Variants in NBPF6 observed in about 807,000 individuals in gnomAD.
NBPF6 encodes the protein NBPF family member NBPF6.
Under a neutral mutation model 20.8 loss-of-function variants are expected in NBPF6, and 2 were observed. The observed-to-expected ratio is 0.10, with a 90% CI of 0.04 to 0.30. The LOEUF is 0.30. Among genes scored for constraint, NBPF6 ranks in the 10% least tolerant of loss-of-function variants. The pLI is 1.00. For synonymous variants in NBPF6, 24 were observed against 100.0 expected, an observed-to-expected ratio of 0.24 and a Z score of 4.53; for missense variants, 85 against 260.3, an observed-to-expected ratio of 0.33 and a Z score of 4.63.
the NBPF6 span, among the ~76,000 whole-genome samples, chr1:108,426,446 T>TAAACAAAC: frequency 3.6e-4 from 32 of 88,228 alleles, 1 homozygote; most frequent in South Asian, 1.6e-3. Context: ...AATAAATAAA[T>TAAACAAAC]AAACAAACAA....
rs796790951 is a variant in NBPF6, at chr1:108,467,984, C to T, written c.1875+319C>T. Among the ~76,000 whole-genome samples the T allele has an allele frequency of 2.4e-4, 36 of 151,300 alleles. No individual in the cohort carries two copies. In the Middle Eastern group the frequency reaches 0.01, roughly 43 times the overall value. On this transcript the variant is annotated intron_variant, in intron 14 of 14. Transcript: ENST00000495380. ...GCTGCTGAACACAGGGTTGTTTGCCCGGAATCACACACTCCTTTGGGAAAT... is the reference window on the plus strand; with the variant it reads ...GCTGCTGAACACAGGGTTGTTTGCCTGGAATCACACACTCCTTTGGGAAAT...
At chr1:108,436,537 A>G in the NBPF6 span, among the ~76,000 whole-genome samples, 5 of 76,546 alleles carry the variant, frequency 6.5e-5, 1 homozygote, top group East Asian at 1.8e-3. Flanking sequence ...ACTTGAACCC[A>G]GGAAGTGATC....
intron 14 of NBPF6, among the ~76,000 whole-genome samples, chr1:108,469,964 G>C (rs1354799680): frequency 3.3e-5 from 3 of 91,258 alleles, no homozygotes. Flanking sequence ...CTTTCCTCTC[G>C]CTTTCTCCAA....
chr1:108,471,718 T>A lies in NBPF6; in HGVS notation c.*1080T>A, dbSNP rs1273564438. ...AAAGGAACATTCCCTGCCCAAAGTT[T>A]GACTTTCATCCAAAATTAATTTTAG... On this transcript the variant is annotated 3_prime_UTR_variant, in exon 15 of 15. Coordinates refer to ENST00000495380, the MANE Select transcript of NBPF6 (RefSeq NM_001143988.2). Among the ~76,000 whole-genome samples, 1 of 152,216 alleles carries A rather than the reference T, an allele frequency of 6.6e-6. No homozygotes were observed. The highest frequency in any genetic ancestry group is 2.4e-5 in the African/African-American group (1 of 41,452).
intron 14 of NBPF6, 53 bp downstream of exon 14, chr1:108,467,718 G>A: frequency 1.3e-6 from 2 of 1,544,926 alleles, no homozygotes; most frequent in Non-Finnish European, 1.8e-6. Flanking sequence ...CTCTGTCTAT[G>A]GTGACAGCTC....
chr1:108,470,092 G>A (rs1653374675), intron 14 of NBPF6, among the ~76,000 whole-genome samples: 1 of 83,590 alleles, frequency 1.2e-5, no homozygotes, highest in South Asian at 4.9e-4. Flanking sequence ...GTAAAATGTG[G>A]ACCTGGACGT....
intron 9 of NBPF6, among the ~76,000 whole-genome samples, chr1:108,459,473 A>G (rs1653035328): frequency 6.6e-6 from 1 of 150,662 alleles, no homozygotes; most frequent in Non-Finnish European, 1.5e-5. Context: ...GGTAGAAAAA[A>G]TTATTGTTAT....
At position 108,452,256 on chromosome 1, in the gene NBPF6, TG is replaced by T; in HGVS notation, c.247del (p.Ala83GlnfsTer24). The T allele has an allele frequency of 5.6e-6, 4 of 719,066 alleles. No individual in the cohort carries two copies. Among genetic ancestry groups the T allele is most frequent in the Non-Finnish European group, 8.5e-6 (4 of 468,788 alleles). 44.5% of individuals were successfully genotyped at this position (719,066 alleles called of 1,614,324 possible). A position where few individuals can be genotyped will look rare whatever the true frequency, so the allele number is the denominator to read the frequency against. ...GATGAACTGCAGTCCATGGAGAAGCTGGCAGAGAAGCTCAGGCAAGCTGAGG... is the reference window on the plus strand; with the variant it reads ...GATGAACTGCAGTCCATGGAGAAGCTGCAGAGAAGCTCAGGCAAGCTGAGG... ...LRDELQSMEK[L>X]AEKLRQAEEL... On this transcript the variant is annotated frameshift_variant, in exon 3 of 15. Coordinates refer to ENST00000495380, the MANE Select transcript of NBPF6 (RefSeq NM_001143988.2). LOFTEE classifies it high-confidence loss of function.
In NBPF6 at chr1:108,452,954, G is replaced by A. The variant is rs1377613549; in HGVS notation, c.279-227G>A. Among the ~76,000 whole-genome samples the A allele has an allele frequency of 3.3e-5, 2 of 61,530 alleles. 1 individual carries two copies. The highest frequency in any genetic ancestry group is 1.2e-4 in the African/African-American group (2 of 17,178). 40.4% of individuals were successfully genotyped at this position (61,530 alleles called of 152,430 possible). A position where few individuals can be genotyped will look rare whatever the true frequency, so the allele number is the denominator to read the frequency against. On this transcript the variant is annotated intron_variant, in intron 3 of 14. Coordinates refer to ENST00000495380, the MANE Select transcript of NBPF6 (RefSeq NM_001143988.2). ...TCTCTCATATATCAGAAGGCTGTGT[G>A]TGTGTGTGTGTGTGTGTATGTTTGT...
In NBPF6 at chr1:108,467,599, A is replaced by G. The variant is rs766862740; in HGVS notation, c.1809A>G (p.Arg603=). The G allele has an allele frequency of 5.2e-6, 8 of 1,549,904 alleles. 1 individual carries two copies. The South Asian group carries it at 9.5e-5, about 18-fold the overall frequency. ...TCCTGATACTGAAGACCATCAGAAG[A>G]AGACTCCCGTTCAGCAAGTGGAGAC... is the stretch of plus-strand genomic sequence containing the variant. The part of the protein sequence containing the change: ...SLVLILKTIR[R]RLPFSKWRLA... Residue 603 remains arginine, a synonymous_variant, in exon 14 of 15, where the codon AGA becomes AGG. Transcript: ENST00000495380.
At chr1:108,437,858 G>C in the NBPF6 span, among the ~76,000 whole-genome samples, 1 of 38,518 alleles carries the variant, frequency 2.6e-5, no homozygotes, top group Non-Finnish European at 6.2e-5. Context: ...GAAAGAGAAA[G>C]GGAGAAAAAA....
the NBPF6 span, among the ~76,000 whole-genome samples, chr1:108,434,810 A>G: frequency 1.2e-5 from 1 of 83,790 alleles, no homozygotes; most frequent in African/African-American, 3.6e-5. Flanking sequence ...TTAACATCCA[A>G]TAGGAACAGG....
intron 14 of NBPF6, among the ~76,000 whole-genome samples, chr1:108,469,765 C>A (rs1161091306): frequency 1.1e-4 from 16 of 147,430 alleles, no homozygotes; most frequent in African/African-American, 3.6e-4. Context: ...CATTTTGAGT[C>A]TCTTTTTTTA....
At chr1:108,448,012 T>A (rs1318209295), upstream of NBPF6, among the ~76,000 whole-genome samples, 13 of 146,164 alleles carry the variant, frequency 8.9e-5, no homozygotes, top group African/African-American at 3.3e-4. Flanking sequence ...TTATTCATTT[T>A]AAATAGAGCT....
rs1259789376 is a variant in NBPF6 at position 108,471,249 on chromosome 1, G to A, written c.*611G>A. Among the ~76,000 whole-genome samples, 2 of 152,190 alleles carry A rather than the reference G, an allele frequency of 1.3e-5. No individual in the cohort carries two copies. The highest frequency in any genetic ancestry group is 4.8e-5 in the African/African-American group (2 of 41,442). On this transcript the variant is annotated 3_prime_UTR_variant, in exon 15 of 15. Transcript: ENST00000495380. The stretch of plus-strand genomic sequence containing the variant: ...TTGTTGTCATCGATGGTGGTGACAT[G>A]GACTTGTTTGTGGAGGACGGGTCAG...
intron 14 of NBPF6, among the ~76,000 whole-genome samples, chr1:108,468,007 A>T (rs1055980588): frequency 1.3e-5 from 2 of 151,162 alleles, no homozygotes; most frequent in Non-Finnish European, 1.5e-5. Flanking sequence ...TCCTTTGGGA[A>T]ATTTACCTTT....
chr1:108,469,287 A>G (rs1653330139), intron 14 of NBPF6, among the ~76,000 whole-genome samples: 3 of 151,546 alleles, frequency 2.0e-5, no homozygotes, highest in Admixed American at 6.5e-5. Context: ...GCATTTTAAA[A>G]TAAAACTTCC....
chr1:108,470,629 G>A lies in NBPF6; in HGVS notation c.1908G>A (p.Met636Ile). 1 of 1,558,412 alleles carries A rather than the reference G, an allele frequency of 6.4e-7. No homozygotes were observed. The highest frequency in any genetic ancestry group is 1.2e-5 in the South Asian group (1 of 84,464). Residue 636 changes from methionine (M) to isoleucine (I), a missense_variant, in exon 15 of 15, where the codon ATG becomes ATA. By Grantham distance (10) the Met-to-Ile change is conservative. This residue lies in a region of NBPF6 where 31 missense variants were observed against 21.0 expected (regional missense o/e 1.48). Coordinates refer to ENST00000495380, the MANE Select transcript of NBPF6 (RefSeq NM_001143988.2). ...IPNTAERMQR[M>I]IG is the part of the protein sequence containing the mutation. ...ATACTGCTGAAAGGATGCAAAGGATGATAGGATGAAAGAATGTCACAAAAA... is the reference window on the plus strand; with the variant it reads ...ATACTGCTGAAAGGATGCAAAGGATAATAGGATGAAAGAATGTCACAAAAA...
In NBPF6 at chr1:108,471,275, C is replaced by T. The variant is rs191652599; in HGVS notation, c.*637C>T. Among the ~76,000 whole-genome samples, 7 of 152,304 alleles carry T rather than the reference C, an allele frequency of 4.6e-5. No individual in the cohort carries two copies. The highest frequency in any genetic ancestry group is 1.7e-4 in the African/African-American group (7 of 41,564). ...GACTTGTTTGTGGAGGACGGGTCAG[C>T]TCTCTGGCTCAATGGTCTACATTCT... On this transcript the variant is annotated 3_prime_UTR_variant, in exon 15 of 15. Transcript: ENST00000495380.
Sources: gnomAD v4.1 joint callset for allele counts (sites outside exome capture counted in the v4.1 genomes callset) on GRCh38, gnomAD v4.1.1 for gene constraint, gnomAD v4.1.1 regional missense constraint, MANE v1.5 for transcripts, NCBI Gene and HGNC (gene_info 2026-07-23, HGNC 2026-07-21) for gene names.